VEZT: variants seen among roughly 807,000 people sequenced by gnomAD.
VEZT encodes vezatin, adherens junctions transmembrane protein, also known as vezatin.
Under a neutral mutation model 79.9 loss-of-function variants are expected in VEZT, and 39 were observed. That is an observed-to-expected ratio of 0.49 (90% confidence interval 0.38 to 0.64). The LOEUF is 0.64. VEZT is among the 30% of genes least tolerant of loss of function. The pLI, the probability that VEZT is intolerant of heterozygous loss-of-function variation, is 0.00. For synonymous variants in VEZT, 325 were observed against 327.6 expected (o/e 0.99, Z 0.09); for missense variants, 837 against 893.1 (o/e 0.94, Z 0.80).
intron 8 of VEZT, 39 bp from the exon 9 acceptor site, chr12:95,287,625 T>A (rs1391220832): frequency 1.4e-6 from 2 of 1,433,150 alleles, no homozygotes; most frequent in South Asian, 3.0e-5. Context: ...TTTCATTTCA[T>A]ATTATAGAAA....
At chr12:95,236,258 C>CA (rs2060162467) in intron 1 of VEZT, among the ~76,000 whole-genome samples, 2 of 152,108 alleles carry the variant, frequency 1.3e-5, no homozygotes, top group African/African-American at 2.4e-5. Context: ...CCGTCTCCAC[C>CA]CAAAAAATAC....
At chr12:95,288,024 C>G (rs1026129546) in intron 9 of VEZT, among the ~76,000 whole-genome samples, 167 bp downstream of exon 9, 1 of 151,996 alleles carries the variant, frequency 6.6e-6, no homozygotes, top group African/African-American at 2.4e-5. Flanking sequence ...ACACTGAATA[C>G]AATTCTTGGC....
chr12:95,270,333 C>G, intron 6 of VEZT, 145 bp downstream of exon 6: 1 of 836,850 alleles, frequency 1.2e-6, no homozygotes, highest in East Asian at 3.0e-5. Flanking sequence ...TATGTTAAAA[C>G]TGGAAATGCA....
chr12:95,280,524 TACACAC>T (rs10611290), intron 7 of VEZT, among the ~76,000 whole-genome samples: 1,656 of 137,710 alleles, frequency 0.012, 11 homozygotes, highest in Non-Finnish European at 0.016. Context: ...TTCATATGTG[TACACAC>T]ACACACACAC....
Position 95,282,470 on chromosome 12 carries a change from A to G in VEZT, c.1154A>G (p.His385Arg). The G allele has an allele frequency of 6.2e-7, 1 of 1,613,968 alleles. No individual in the cohort carries two copies. The highest frequency in any genetic ancestry group is 8.5e-7 in the Non-Finnish European group (1 of 1,179,874). The stretch of plus-strand genomic sequence containing the variant: ...GTGACTCAAGGTCTACCTCATGCTC[A>G]TTCTGCCTGTTTGGAAGAGCTTAAG... ...SDVTQGLPHA[H>R]SACLEELKRS... Residue 385 changes from histidine (H) to arginine (R), a missense_variant, in exon 8 of 12, where the codon CAT becomes CGT. Physicochemically the swap from His to Arg is conservative, Grantham distance 29 (BLOSUM62 0). Coordinates refer to ENST00000436874, the MANE Select transcript of VEZT (RefSeq NM_017599.4).
chr12:95,287,762 A>G lies in VEZT; in HGVS notation c.1427A>G (p.Lys476Arg), dbSNP rs753701244. ...TATCCCATCCTAGAACAGAAATTAA[A>G]GTTGATTCAGCCCCACGTTCAAGCA... ...EAYPILEQKL[K>R]LIQPHVQASN... The change falls in exon 9 of 12, where the codon AAG (lysine) becomes AGG (arginine). Residue 476 changes from lysine (K) to arginine (R), a missense_variant. Lys to Arg is a conservative substitution (Grantham distance 26). Transcript: ENST00000436874. 18 of 1,607,082 alleles carry G rather than the reference A, an allele frequency of 1.1e-5. No homozygotes were observed. Among genetic ancestry groups the G allele is most frequent in the Non-Finnish European group, 1.4e-5 (17 of 1,176,498 alleles).
At chr12:95,250,097 G>T in intron 1 of VEZT, among the ~76,000 whole-genome samples, 1 of 146,348 alleles carries the variant, frequency 6.8e-6, no homozygotes, top group Non-Finnish European at 1.5e-5. Context: ...TAAGTTTTAG[G>T]GTACATGTGC....
intron 11 of VEZT, chr12:95,296,899 C>T (rs1386089818): frequency 6.6e-6 from 1 of 152,134 alleles, no homozygotes; most frequent in Non-Finnish European, 1.5e-5. Flanking sequence ...AAGATCACGC[C>T]ACTGCACTCC....
intron 1 of VEZT, among the ~76,000 whole-genome samples, chr12:95,250,747 A>ATTT (rs3080327): frequency 0.12 from 16,644 of 142,800 alleles, 1,494 homozygotes; most frequent in African/African-American, 0.25. Context: ...GGTTGGGGTG[A>ATTT]TTTTTTTTTT....
intron 5 of VEZT, among the ~76,000 whole-genome samples, chr12:95,268,792 GAAT>G (rs1338115731): frequency 3.3e-5 from 5 of 152,270 alleles, no homozygotes; most frequent in East Asian, 1.9e-4. Context: ...GTTGAAAAAT[GAAT>G]AATAAGTCTT....
chr12:95,228,809 G>T (rs554314943), intron 1 of VEZT, among the ~76,000 whole-genome samples: 3 of 152,250 alleles, frequency 2.0e-5, no homozygotes, highest in Admixed American at 1.3e-4. Context: ...TTCAAAACCA[G>T]CCTGGGCAAC....
intron 7 of VEZT, among the ~76,000 whole-genome samples, chr12:95,278,435 C>T (rs1445987939): frequency 1.3e-5 from 2 of 152,174 alleles, no homozygotes; most frequent in South Asian, 4.1e-4. Flanking sequence ...ATTTATCAGG[C>T]TCTGAAAGGA....
chr12:95,251,849 C>A, intron 1 of VEZT, 91 bp from the exon 2 acceptor site: 1 of 1,213,646 alleles, frequency 8.2e-7, no homozygotes, highest in Non-Finnish European at 1.1e-6. Flanking sequence ...ACATACTGGT[C>A]ACAATAGTGA....
rs139847170 is a variant in VEZT at position 95,228,636 on chromosome 12, T to C, written c.36+10750T>C. On this transcript the variant is annotated intron_variant, in intron 1 of 11. Transcript: ENST00000436874. ...AGTATAGCAAAATTCATGCTATCACTATCTATAATAGGAATAATATTTATT... is the reference window on the plus strand; with the variant it reads ...AGTATAGCAAAATTCATGCTATCACCATCTATAATAGGAATAATATTTATT... Among the ~76,000 whole-genome samples the C allele has an allele frequency of 9.1e-4, 139 of 152,354 alleles. 1 individual carries two copies. Among genetic ancestry groups the C allele is most frequent in the East Asian group, 5.8e-4 (3 of 5,194 alleles).
At chr12:95,274,050 G>A (rs758398318) in intron 6 of VEZT, among the ~76,000 whole-genome samples, 4 of 152,124 alleles carry the variant, frequency 2.6e-5, no homozygotes, top group East Asian at 3.8e-4. Context: ...TTCAGATAAC[G>A]TTCAACTAAT....
At chr12:95,289,885 T>C (rs991815927) in intron 9 of VEZT, among the ~76,000 whole-genome samples, 1 of 152,222 alleles carries the variant, frequency 6.6e-6, no homozygotes, top group Non-Finnish European at 1.5e-5. Flanking sequence ...TATCTATGTA[T>C]GTATCTGTAT....
At chr12:95,278,523 C>T (rs1391113539) in intron 7 of VEZT, among the ~76,000 whole-genome samples, 1 of 152,158 alleles carries the variant, frequency 6.6e-6, no homozygotes, top group East Asian at 1.9e-4. Flanking sequence ...GTATTACCCC[C>T]TTCTGTAGTT....
chr12:95,270,116 G>A lies in VEZT; in HGVS notation c.776G>A (p.Arg259Gln), dbSNP rs374855245. ...QHPSQHLIGLRKAVYRTLRAN... is the reference protein window; with the variant it reads ...QHPSQHLIGLQKAVYRTLRAN... ...CCAAGTCAGCATCTCATCGGTCTTC[G>A]GAAAGCTGTCTACCGAACTCTAAGA... The change falls in exon 6 of 12, where the codon CGG becomes CAG. Residue 259 changes from arginine (R) to glutamine (Q), a missense_variant. Coordinates refer to ENST00000436874, the MANE Select transcript of VEZT (RefSeq NM_017599.4). The A allele has an allele frequency of 6.2e-6, 10 of 1,611,662 alleles. No homozygotes were observed. Among genetic ancestry groups the A allele is most frequent in the South Asian group, 4.4e-5 (4 of 90,376 alleles).
chr12:95,300,412 A>G lies in VEZT; in HGVS notation c.2079A>G (p.Gln693=), dbSNP rs747113614. Residue 693 remains glutamine (Q), a synonymous_variant, in exon 12 of 12, where the codon CAA becomes CAG. Coordinates refer to ENST00000436874, the MANE Select transcript of VEZT (RefSeq NM_017599.4). ...GAGCAGAAGAAAGAATGTGTTACCA[A>G]TGTGAGAGTGAAGATGAACCACAAG... The part of the protein sequence containing the change: ...PQGAEERMCY[Q]CESEDEPQAD... 7.4e-6 allele frequency: 12 copies of G among 1,613,910 alleles called. No individual in the cohort carries two copies. Among genetic ancestry groups the G allele is most frequent in the Admixed American group, 6.7e-5 (4 of 60,008 alleles).
Sources: gnomAD v4.1 joint callset for allele counts (sites outside exome capture counted in the v4.1 genomes callset) on GRCh38, gnomAD v4.1.1 for gene constraint, MANE v1.5 for transcripts, NCBI Gene and HGNC (gene_info 2026-07-23, HGNC 2026-07-21) for gene names.